B3GNT5: variants seen among roughly 807,000 people sequenced by gnomAD.
B3GNT5 encodes the protein UDP-GlcNAc:betaGal beta-1,3-N-acetylglucosaminyltransferase 5.
Under a neutral mutation model 25.9 loss-of-function variants are expected in B3GNT5, and 11 were observed. The ratio of observed to expected loss-of-function variants is 0.42; its 90% CI spans 0.27 to 0.70. B3GNT5 has a LOEUF of 0.70. Among genes scored for constraint, B3GNT5 ranks in the 30% least tolerant of loss-of-function variants. The pLI is 0.23. For missense variants in B3GNT5, 385 were observed against 458.4 expected (o/e 0.84, Z 1.46); for synonymous variants, 166 against 158.6 (o/e 1.05, Z -0.35).
In B3GNT5 at chr3:183,253,409, G is replaced by T. The variant is rs186051455; in HGVS notation, c.-365G>T. ...CCGACCTCCGATTTGGACATTTAAA[G>T]AGCTGGGCTTGAACTTCGTGAGTTT... On this transcript the variant is annotated 5_prime_UTR_variant, in exon 1 of 2. Transcript: ENST00000326505. 2 of 152,276 alleles carry T rather than the reference G, an allele frequency of 1.3e-5. No homozygotes were observed. The highest frequency in any genetic ancestry group is 1.3e-4 in the Admixed American group (2 of 15,286). 9.4% of individuals were successfully genotyped at this position (152,276 alleles called of 1,614,324 possible). A position where few individuals can be genotyped will look rare whatever the true frequency, so the allele number is the denominator to read the frequency against.
At position 183,271,701 on chromosome 3, in the gene B3GNT5, G is replaced by A. The variant is rs1184195312; in HGVS notation, c.*766G>A. 5 of 166,932 alleles carry A rather than the reference G, an allele frequency of 3.0e-5. No homozygotes were observed. The Admixed American group carries it at 3.3e-4, about 11-fold the overall frequency. 10.3% of individuals were successfully genotyped at this position (166,932 alleles called of 1,614,324 possible). On this transcript the variant is annotated 3_prime_UTR_variant, in exon 2 of 2. Transcript: ENST00000326505. ...TGCTCATAGGGTCCTTCTCTAGGGA[G>A]AAACCATTGTTAATTCAAATAAGCT...
At chr3:183,259,335 T>C (rs1406333995) in intron 1 of B3GNT5, among the ~76,000 whole-genome samples, 6 of 152,162 alleles carry the variant, frequency 3.9e-5, no homozygotes, top group Admixed American at 3.3e-4. Context: ...GAGTAGTGGC[T>C]GTTTGTAGCA....
At chr3:183,259,416 C>A (rs181916493) in intron 1 of B3GNT5, among the ~76,000 whole-genome samples, 33 of 152,216 alleles carry the variant, frequency 2.2e-4, no homozygotes, top group African/African-American at 7.7e-4. Context: ...GATAGGAGAA[C>A]TTGTATTTTT....
At position 183,271,521 on chromosome 3, in the gene B3GNT5, G is replaced by T. The variant is rs1726780854; in HGVS notation, c.*586G>T. On this transcript the variant is annotated 3_prime_UTR_variant, in exon 2 of 2. Coordinates refer to ENST00000326505, the MANE Select transcript of B3GNT5 (RefSeq NM_032047.5). ...GTCTTACCACATCCATGTAGCTACT[G>T]GTGTTAGAGTCATTAAAATACCTTT... 6.0e-6 allele frequency: 1 copy of T among 167,024 alleles called. No homozygotes were observed. Among genetic ancestry groups the T allele is most frequent in the South Asian group, 2.1e-4 (1 of 4,824 alleles). 10.3% of individuals were successfully genotyped at this position (167,024 alleles called of 1,614,324 possible). A position where few individuals can be genotyped will look rare whatever the true frequency, so the allele number is the denominator to read the frequency against.
chr3:183,271,034 A>T lies in B3GNT5; in HGVS notation c.*99A>T. 1 of 1,172,208 alleles carries T rather than the reference A, an allele frequency of 8.5e-7. No homozygotes were observed. Among genetic ancestry groups the T allele is most frequent in the South Asian group, 1.8e-5 (1 of 54,634 alleles). The allele number at this position is 1,172,208 out of a possible 1,614,324, so 72.6% of individuals were successfully genotyped here. ...TATACCCTAAGTAAAATGAGGACGA[A>T]AGACAAATATTTTGAAAGCCTAGTC... On this transcript the variant is annotated 3_prime_UTR_variant, in exon 2 of 2. Transcript: ENST00000326505.
Position 183,271,060 on chromosome 3 carries a change from C to A in B3GNT5, c.*125C>A. On this transcript the variant is annotated 3_prime_UTR_variant, in exon 2 of 2. Coordinates refer to ENST00000326505, the MANE Select transcript of B3GNT5 (RefSeq NM_032047.5). ...AGACAAATATTTTGAAAGCCTAGTC[C>A]ATCAGAATGTTTCTTTGATTCTAGA... is the stretch of plus-strand genomic sequence containing the variant. 3.5e-6 allele frequency: 3 copies of A among 864,980 alleles called. No homozygotes were observed. The highest frequency in any genetic ancestry group is 2.8e-5 in the East Asian group (1 of 35,188). 53.6% of individuals were successfully genotyped at this position (864,980 alleles called of 1,614,324 possible).
At position 183,273,323 on chromosome 3, in the gene B3GNT5, A is replaced by G. The variant is rs766756215; in HGVS notation, c.*2388A>G. On this transcript the variant is annotated 3_prime_UTR_variant, in exon 2 of 2. Coordinates refer to ENST00000326505, the MANE Select transcript of B3GNT5 (RefSeq NM_032047.5). ...TGTATTACTTGAATTTTGCTCTTGT[A>G]TGGCAAAATAATTAGTGAGTTTAAA... 1 of 267,720 alleles carries G rather than the reference A, an allele frequency of 3.7e-6. No individual in the cohort carries two copies. The highest frequency in any genetic ancestry group is 2.2e-5 in the African/African-American group (1 of 45,294). The allele number at this position is 267,720 out of a possible 1,614,324, so 16.6% of individuals were successfully genotyped here.
rs547681668 is a variant in B3GNT5 at position 183,261,436 on chromosome 3, T to C, written c.-302+7964T>C. Among the ~76,000 whole-genome samples, 19 of 152,266 alleles carry C rather than the reference T, an allele frequency of 1.2e-4. No homozygotes were observed. The East Asian group carries it at 3.7e-3, about 29-fold the overall frequency. ...ATGTGTGGACAGGAACTAAAAACTC[T>C]CCCACGTGGGACTTTATTAAGTAAT... On this transcript the variant is annotated intron_variant, in intron 1 of 1. Transcript: ENST00000326505.
chr3:183,264,858 C>A (rs1312324100), intron 1 of B3GNT5, among the ~76,000 whole-genome samples: 1 of 152,156 alleles, frequency 6.6e-6, no homozygotes, highest in Non-Finnish European at 1.5e-5. Context: ...AACTGAGGGG[C>A]ACGGCTCCTA....
chr3:183,268,509 TGGG>T (rs58535820), intron 1 of B3GNT5, among the ~76,000 whole-genome samples: 3 of 148,390 alleles, frequency 2.0e-5, no homozygotes, highest in African/African-American at 7.6e-5. Flanking sequence ...GTGGAGAAAA[TGGG>T]GGGGGCGGTT....
At position 183,267,697 on chromosome 3, in the gene B3GNT5, G is replaced by A. The variant is rs978882040; in HGVS notation, c.-301-1801G>A. Among the ~76,000 whole-genome samples, 7 of 152,220 alleles carry A rather than the reference G, an allele frequency of 4.6e-5. No individual in the cohort carries two copies. The highest frequency in any genetic ancestry group is 1.4e-4 in the African/African-American group (6 of 41,462). On this transcript the variant is annotated intron_variant, in intron 1 of 1. Transcript: ENST00000326505. The surrounding 1 kb of genome is among the most constrained non-coding windows in gnomAD (Gnocchi z 5.5). Reference sequence around the variant, plus strand: ...AGCCTACCTTTCCATCCAAGGAAGTGTTTTACCTGTGGTAAGCACGGGGGA... The same window carrying A: ...AGCCTACCTTTCCATCCAAGGAAGTATTTTACCTGTGGTAAGCACGGGGGA...
At chr3:183,260,542 G>C (rs1725487172) in intron 1 of B3GNT5, among the ~76,000 whole-genome samples, 1 of 152,058 alleles carries the variant, frequency 6.6e-6, no homozygotes, top group Admixed American at 6.5e-5. Context: ...TGGTTACTGG[G>C]AATTATTGAG....
intron 1 of B3GNT5, among the ~76,000 whole-genome samples, chr3:183,262,714 A>C (rs962089461): frequency 1.6e-5 from 2 of 124,766 alleles, no homozygotes; most frequent in Non-Finnish European, 3.3e-5. Flanking sequence ...TGAAGTCTTC[A>C]GGGTGGGGGG....
chr3:183,254,147 G>C (rs1385656876), intron 1 of B3GNT5: 2 of 151,726 alleles, frequency 1.3e-5, no homozygotes, highest in Admixed American at 6.6e-5. Flanking sequence ...TGCCCACTCC[G>C]GGCCGAGCGA....
chr3:183,272,551 G>C lies in B3GNT5; in HGVS notation c.*1616G>C. ...TTTTCTATTTTGAAATTTGAGGCTT[G>C]TTTACATTGCTTAGATAATTTAGAA... On this transcript the variant is annotated 3_prime_UTR_variant, in exon 2 of 2. Transcript: ENST00000326505. The C allele has an allele frequency of 1.0e-6, 1 of 991,974 alleles. No homozygotes were observed. The highest frequency in any genetic ancestry group is 1.2e-6 in the Non-Finnish European group (1 of 822,782). 61.4% of individuals were successfully genotyped at this position (991,974 alleles called of 1,614,324 possible). A position where few individuals can be genotyped will look rare whatever the true frequency, so the allele number is the denominator to read the frequency against.
chr3:183,261,531 C>T (rs548281532), intron 1 of B3GNT5, among the ~76,000 whole-genome samples: 6 of 152,196 alleles, frequency 3.9e-5, no homozygotes, highest in African/African-American at 1.4e-4. Flanking sequence ...CTGTGACTCA[C>T]CGGAGGAGCC....
At chr3:183,254,316 C>A (rs1356089895) in intron 1 of B3GNT5, 2 of 151,972 alleles carry the variant, frequency 1.3e-5, no homozygotes, top group Admixed American at 6.6e-5. Flanking sequence ...GGACCGCGCA[C>A]GGCCCAGCGC....
intron 1 of B3GNT5, among the ~76,000 whole-genome samples, chr3:183,262,335 C>T (rs1469275218): frequency 6.6e-6 from 1 of 151,962 alleles, no homozygotes; most frequent in Non-Finnish European, 1.5e-5. Context: ...CCAGCAGGCC[C>T]CAGTCAGCAG....
chr3:183,262,961 C>T (rs946291528), intron 1 of B3GNT5, among the ~76,000 whole-genome samples: 24 of 151,648 alleles, frequency 1.6e-4, no homozygotes, highest in Non-Finnish European at 2.7e-4. Flanking sequence ...GGTGGGAGGG[C>T]AAAGGTGTCC....
Sources: gnomAD v4.1 joint callset for allele counts (sites outside exome capture counted in the v4.1 genomes callset) on GRCh38, gnomAD v4.1.1 for gene constraint, Gnocchi (gnomAD v3.1) non-coding constraint, MANE v1.5 for transcripts, NCBI Gene and HGNC (gene_info 2026-07-23, HGNC 2026-07-21) for gene names.